The following CACNA2D1 variants were observed in gnomAD, a reference collection of about 807,000 sequenced individuals.
CACNA2D1 encodes the protein voltage-dependent calcium channel subunit alpha-2/delta-1.
A neutral mutation model predicts 171.5 loss-of-function variants in CACNA2D1; 53 were observed. The observed-to-expected ratio is 0.31, with a 90% CI of 0.25 to 0.39. The LOEUF is 0.39. Ranked by LOEUF, CACNA2D1 falls within the 10% of genes least tolerant of loss-of-function variation. CACNA2D1 has a pLI of 1.00. For missense variants in CACNA2D1, 903 were observed against 1,299.8 expected (o/e 0.69, Z 4.69); for synonymous variants, 442 against 443.1 (o/e 1.00, Z 0.03).
At chr7:82,128,323 T>C (rs923593496) in intron 5 of CACNA2D1, among the ~76,000 whole-genome samples, 5 of 152,338 alleles carry the variant, frequency 3.3e-5, no homozygotes, top group Non-Finnish European at 7.3e-5. Flanking sequence ...ACATTAATTC[T>C]ATACTTAATT....
intron 3 of CACNA2D1, among the ~76,000 whole-genome samples, chr7:82,237,542 T>C (rs1304183521): frequency 6.6e-6 from 1 of 152,060 alleles, no homozygotes; most frequent in African/African-American, 2.4e-5. Context: ...TCTTATTTTA[T>C]AATCAAATTA....
Position 82,335,204 on chromosome 7 carries a change from T to C in CACNA2D1, c.225A>G (p.Ala75=). 6.2e-7 allele frequency: 1 copy of C among 1,613,216 alleles called. No homozygotes were observed. Among genetic ancestry groups the C allele is most frequent in the Non-Finnish European group, 8.5e-7 (1 of 1,179,350 alleles). ...QDLYTVEPNN[A]RQLVEIAARD... The stretch of plus-strand genomic sequence containing the variant: ...TGGCTGCAATTTCTACCAGCTGGCG[T>C]GCATTATTTGGTTCCACAGTATACA... Residue 75 remains alanine, a synonymous_variant, in exon 3 of 39, where the codon GCA becomes GCG. Coordinates refer to ENST00000356860, the MANE Select transcript of CACNA2D1 (RefSeq NM_000722.4).
intron 2 of CACNA2D1, among the ~76,000 whole-genome samples, chr7:82,343,602 A>C (rs1818923528): frequency 6.6e-6 from 1 of 152,220 alleles, no homozygotes; most frequent in South Asian, 2.1e-4. Context: ...AAAACAAGGA[A>C]AACATTAACA....
chr7:82,408,017 A>G (rs867658859), intron 1 of CACNA2D1, among the ~76,000 whole-genome samples: 11 of 149,694 alleles, frequency 7.3e-5, no homozygotes, highest in Admixed American at 4.0e-4. Context: ...CCCGGCTTGT[A>G]CTTTCTTTTT....
chr7:82,060,074 C>T (rs1806440371), intron 10 of CACNA2D1, among the ~76,000 whole-genome samples: 1 of 103,724 alleles, frequency 9.6e-6, no homozygotes, highest in Non-Finnish European at 1.9e-5. Context: ...TGCAGCACAG[C>T]AACATGGCAC....
intron 2 of CACNA2D1, among the ~76,000 whole-genome samples, chr7:82,343,772 A>G (rs1257214214): frequency 6.6e-6 from 1 of 152,186 alleles, no homozygotes; most frequent in Admixed American, 6.5e-5. Context: ...TTAGAAGTGA[A>G]AAAGATCATA....
intron 25 of CACNA2D1, among the ~76,000 whole-genome samples, chr7:81,972,485 T>C (rs1795381872): frequency 6.6e-6 from 1 of 151,830 alleles, no homozygotes; most frequent in African/African-American, 2.4e-5. Flanking sequence ...CACAGAGCAG[T>C]ACAATCCCAA....
chr7:82,019,851 G>A (rs990794609), intron 12 of CACNA2D1, among the ~76,000 whole-genome samples: 8 of 151,976 alleles, frequency 5.3e-5, no homozygotes, highest in Admixed American at 2.0e-4. Context: ...TTCAGCCTTC[G>A]AATCATGTTA....
intron 6 of CACNA2D1, among the ~76,000 whole-genome samples, chr7:82,099,438 T>TTTTTTTTTTG: frequency 8.6e-5 from 1 of 11,574 alleles, no homozygotes; most frequent in Non-Finnish European, 2.1e-4. Context: ...TTTTTTTTTT[T>TTTTTTTTTTG]TTTTTTTTTT....
intron 10 of CACNA2D1, 27 bp downstream of exon 10, chr7:82,060,401 A>T: frequency 2.7e-6 from 4 of 1,464,614 alleles, no homozygotes; most frequent in Non-Finnish European, 3.8e-6. Flanking sequence ...AATTTAATTC[A>T]GGAAAATGCA....
intron 1 of CACNA2D1, among the ~76,000 whole-genome samples, chr7:82,437,066 G>A (rs1311956700): frequency 6.6e-6 from 1 of 152,092 alleles, no homozygotes; most frequent in African/African-American, 2.4e-5. Flanking sequence ...AGAGAGAAAT[G>A]TCTGGTGATA....
chr7:82,204,363 G>A (rs575059978), intron 3 of CACNA2D1, among the ~76,000 whole-genome samples: 4 of 152,250 alleles, frequency 2.6e-5, no homozygotes, highest in South Asian at 2.1e-4. Flanking sequence ...GCCCATATGC[G>A]GCCAGGCCAT....
chr7:82,393,315 G>A (rs1267574678), intron 1 of CACNA2D1, among the ~76,000 whole-genome samples: 1 of 152,134 alleles, frequency 6.6e-6, no homozygotes, highest in Admixed American at 6.5e-5. Context: ...CTTATACAAA[G>A]AACAGCAGTA....
chr7:82,400,739 A>G (rs1278987863), intron 1 of CACNA2D1, among the ~76,000 whole-genome samples: 1 of 151,596 alleles, frequency 6.6e-6, no homozygotes, highest in African/African-American at 2.4e-5. Context: ...TCTGCACAGC[A>G]AAAGAAACTA....
intron 3 of CACNA2D1, among the ~76,000 whole-genome samples, chr7:82,203,397 C>A (rs762635857): frequency 6.6e-6 from 1 of 152,122 alleles, no homozygotes; most frequent in East Asian, 1.9e-4. Context: ...CTTGCCTTCA[C>A]GGGAGGGCGA....
At chr7:81,995,778 G>C (rs903813682) in intron 19 of CACNA2D1, among the ~76,000 whole-genome samples, 1 of 137,710 alleles carries the variant, frequency 7.3e-6, no homozygotes, top group Non-Finnish European at 1.5e-5. Flanking sequence ...CAGCCTGGGC[G>C]ACAGAGCGAG....
chr7:81,996,754 G>C (rs1798087775), intron 19 of CACNA2D1, among the ~76,000 whole-genome samples: 1 of 151,702 alleles, frequency 6.6e-6, no homozygotes, highest in African/African-American at 2.4e-5. Flanking sequence ...AAATAAAATA[G>C]ATTGCCAAGT....
chr7:81,961,570 T>C (rs889696537), intron 36 of CACNA2D1, among the ~76,000 whole-genome samples: 2 of 151,552 alleles, frequency 1.3e-5, no homozygotes, highest in African/African-American at 4.8e-5. Context: ...TGGGTTATTT[T>C]AGGAAAAAAA....
At chr7:82,110,981 C>A (rs186445518) in intron 6 of CACNA2D1, among the ~76,000 whole-genome samples, 1 of 151,990 alleles carries the variant, frequency 6.6e-6, no homozygotes, top group Non-Finnish European at 1.5e-5. Context: ...GAATTTTGAC[C>A]ATTTAGTCAG....
Sources: allele counts gnomAD v4.1 joint callset (sites outside exome capture counted in the v4.1 genomes callset), GRCh38; gene constraint gnomAD v4.1.1; transcripts MANE v1.5; gene names NCBI Gene and HGNC (gene_info 2026-07-23, HGNC 2026-07-21).